The following SLC41A1 variants were observed in gnomAD, a reference collection of about 807,000 sequenced individuals.
The protein encoded by SLC41A1 is solute carrier family 41 (magnesium transporter), member 1.
In SLC41A1, 20 loss-of-function variants were observed where a neutral mutation model predicts 47.3. The observed-to-expected ratio is 0.42, with a 90% CI of 0.30 to 0.61. SLC41A1 has a LOEUF of 0.61. Among genes scored for constraint, SLC41A1 ranks in the 20% least tolerant of loss-of-function variants. SLC41A1 has a pLI of 0.17. For synonymous variants in SLC41A1, 282 were observed against 272.7 expected, an observed-to-expected ratio of 1.03 and a Z score of -0.34; for missense variants, 504 against 674.1, an observed-to-expected ratio of 0.75 and a Z score of 2.79.
Position 205,812,996 on chromosome 1 carries a change from T to C in SLC41A1, c.-835A>G, listed in dbSNP as rs1017426768. The C allele has an allele frequency of 1.0e-6, 1 of 985,702 alleles. No individual in the cohort carries two copies. Among genetic ancestry groups the C allele is most frequent in the Non-Finnish European group, 1.2e-6 (1 of 830,132 alleles). 61.1% of individuals were successfully genotyped at this position (985,702 alleles called of 1,614,324 possible). A position where few individuals can be genotyped will look rare whatever the true frequency, so the allele number is the denominator to read the frequency against. ...CGACACCCGGCTCGCTACATTTCGC[T>C]TCTGCGTTACAGCGAGGCCGCCGCT... On this transcript the variant is annotated 5_prime_UTR_variant, in exon 1 of 11. Transcript: ENST00000367137.
rs774867869 is a variant in SLC41A1 at position 205,813,038 on chromosome 1, G to T, written c.-877C>A. On this transcript the variant is annotated 5_prime_UTR_variant, in exon 1 of 11. Transcript: ENST00000367137. ...GCCGCCGCTCCGCTTCCACGCGGGG[G>T]AGGTGGCCGGGGAGGGCAGGATATA... The T allele has an allele frequency of 1.0e-6, 1 of 985,530 alleles. No homozygotes were observed. The highest frequency in any genetic ancestry group is 1.2e-6 in the Non-Finnish European group (1 of 830,000). 61.0% of individuals were successfully genotyped at this position (985,530 alleles called of 1,614,324 possible). A position where few individuals can be genotyped will look rare whatever the true frequency, so the allele number is the denominator to read the frequency against.
chr1:205,796,957 C>T lies in SLC41A1; in HGVS notation c.1039G>A (p.Ala347Thr). The T allele has an allele frequency of 6.2e-7, 1 of 1,613,418 alleles. No homozygotes were observed. Among genetic ancestry groups the T allele is most frequent in the Non-Finnish European group, 8.5e-7 (1 of 1,179,758 alleles). ...LDKTVSDPNF[A>T]GMAVFTPVIN... ...ACAGGCGTGAAGACAGCCATCCCAGCAAAGTTGGGGTCTGAGACAGTCTTG... is the reference window on the plus strand; with the variant it reads ...ACAGGCGTGAAGACAGCCATCCCAGTAAAGTTGGGGTCTGAGACAGTCTTG... The change falls in exon 8 of 11, where the codon GCT becomes ACT. Residue 347 changes from alanine (A) to threonine (T), a missense_variant. Around this residue, in one of 2 missense-constraint regions of SLC41A1, gnomAD observed 421 missense variants for 601.6 expected, o/e 0.70. Coordinates refer to ENST00000367137, the MANE Select transcript of SLC41A1 (RefSeq NM_173854.6).
intron 3 of SLC41A1, 58 bp from the exon 4 acceptor site, chr1:205,799,888 T>A: frequency 1.4e-6 from 2 of 1,429,936 alleles, no homozygotes; most frequent in Non-Finnish European, 2.0e-6. Context: ...TGAAGCTCCA[T>A]CCATTAGGCT....
intron 8 of SLC41A1, chr1:205,795,831 C>A: frequency 2.6e-6 from 1 of 391,498 alleles, no homozygotes; most frequent in Non-Finnish European, 4.8e-6. Context: ...TGGGCACCTG[C>A]CTTCCTACAC....
At chr1:205,795,515 G>A in intron 8 of SLC41A1, 37 bp from the exon 9 acceptor site, 1 of 1,612,958 alleles carries the variant, frequency 6.2e-7, no homozygotes, top group Non-Finnish European at 8.5e-7. Flanking sequence ...ACAGACAGAG[G>A]TCAGAGGGAG....
intron 2 of SLC41A1, among the ~76,000 whole-genome samples, chr1:205,807,822 AT>A (rs141881589): frequency 0.19 from 26,689 of 138,986 alleles, 3,209 homozygotes; most frequent in African/African-American, 0.37. Flanking sequence ...ATGCCTGACT[AT>A]TTTTTTTTTT....
intron 3 of SLC41A1, among the ~76,000 whole-genome samples, chr1:205,800,184 C>G (rs541169996): frequency 2.0e-5 from 3 of 152,238 alleles, no homozygotes; most frequent in African/African-American, 4.8e-5. Context: ...CTGAAGCCAG[C>G]CTGCGATCCC....
chr1:205,800,872 C>A, intron 3 of SLC41A1, 81 bp downstream of exon 3: 1 of 1,318,478 alleles, frequency 7.6e-7, no homozygotes, highest in East Asian at 2.3e-5. Flanking sequence ...TGGAGAAGGG[C>A]TCGTAGCCCT....
rs564973876 is a variant in SLC41A1 at position 205,805,786 on chromosome 1, G to A, written c.372+4284C>T. ...TTAAGTCTCGATCCTCAGTGGTCCT[G>A]CCAGTACCTCTTCCTTGCCCTTCCA... On this transcript the variant is annotated intron_variant, in intron 2 of 10. Transcript: ENST00000367137. Among the ~76,000 whole-genome samples the A allele has an allele frequency of 1.4e-4, 22 of 152,288 alleles. No individual in the cohort carries two copies. The South Asian group carries it at 3.1e-3, about 22-fold the overall frequency.
chr1:205,801,677 C>T (rs113294522), intron 2 of SLC41A1, among the ~76,000 whole-genome samples: 4 of 152,266 alleles, frequency 2.6e-5, no homozygotes, highest in African/African-American at 9.6e-5. Flanking sequence ...ACTGCCTTAC[C>T]CCCACACACC....
intron 2 of SLC41A1, 67 bp from the exon 3 acceptor site, chr1:205,801,127 T>C (rs367778472): frequency 7.9e-7 from 1 of 1,270,726 alleles, no homozygotes; most frequent in East Asian, 2.3e-5. Context: ...GTTCAACAGG[T>C]AGTCTGAGAT....
Position 205,794,934 on chromosome 1 carries a change from T to C in SLC41A1, c.1292A>G (p.Gln431Arg). 5 of 1,614,006 alleles carry C rather than the reference T, an allele frequency of 3.1e-6. No individual in the cohort carries two copies. The highest frequency in any genetic ancestry group is 3.4e-6 in the Non-Finnish European group (4 of 1,179,978). ...GAGTGTGAGGGTGGTGTGCCCGCCC[T>C]GCATACAGCTGATGGTGTAGAGGAA... is the stretch of plus-strand genomic sequence containing the variant. ...LVFLYTISCM[Q>R]GGHTTLTLIF... Residue 431 changes from glutamine (Q) to arginine (R), a missense_variant, in exon 10 of 11, where the codon CAG becomes CGG. Physicochemically the swap from Gln to Arg is conservative, Grantham distance 43. Transcript: ENST00000367137.
intron 10 of SLC41A1, among the ~76,000 whole-genome samples, chr1:205,793,414 C>A (rs896679133): frequency 6.6e-5 from 10 of 152,308 alleles, no homozygotes; most frequent in Admixed American, 3.3e-4. Context: ...CACCACAGAC[C>A]CCTGGCATAT....
intron 2 of SLC41A1, among the ~76,000 whole-genome samples, chr1:205,801,939 G>C (rs183027648): frequency 6.6e-6 from 1 of 152,184 alleles, no homozygotes; most frequent in African/African-American, 2.4e-5. Flanking sequence ...TGAGTAAACT[G>C]GGGTTCAGAC....
In SLC41A1 at chr1:205,791,365, C is replaced by T. The variant is rs1161103068; in HGVS notation, c.*168G>A. The T allele has an allele frequency of 1.2e-6, 1 of 839,540 alleles. No individual in the cohort carries two copies. Among genetic ancestry groups the T allele is most frequent in the East Asian group, 2.7e-5 (1 of 37,014 alleles). 52.0% of individuals were successfully genotyped at this position (839,540 alleles called of 1,614,324 possible). On this transcript the variant is annotated 3_prime_UTR_variant, in exon 11 of 11. Transcript: ENST00000367137. The surrounding 1 kb of genome is among the most constrained non-coding windows in gnomAD (Gnocchi z 4.0). ...CTGTGTTTCCCAAATTCTTGCTATA[C>T]AAACTTGGCTCAATGTATAAAAATT...
Position 205,795,033 on chromosome 1 carries a change from A to T in SLC41A1, c.1208-15T>A. ...AGAATTCACATCTGGAATTGGGGAA[A>T]AGAGGGTGTAAAGAGGAGGGGAGGA... is the stretch of plus-strand genomic sequence containing the variant. On this transcript the variant is annotated splice_polypyrimidine_tract_variant and intron_variant, in intron 9 of 10. Coordinates refer to ENST00000367137, the MANE Select transcript of SLC41A1 (RefSeq NM_173854.6). 1 of 1,613,526 alleles carries T rather than the reference A, an allele frequency of 6.2e-7. No homozygotes were observed. The highest frequency in any genetic ancestry group is 8.5e-7 in the Non-Finnish European group (1 of 1,179,828).
intron 2 of SLC41A1, among the ~76,000 whole-genome samples, chr1:205,805,577 G>C (rs1655997754): frequency 6.6e-6 from 1 of 152,204 alleles, no homozygotes; most frequent in Non-Finnish European, 1.5e-5. Context: ...GTTCCAGGAA[G>C]TGCTGCCCTG....
Position 205,795,466 on chromosome 1 carries a change from T to C in SLC41A1, c.1085A>G (p.Asn362Ser). The stretch of plus-strand genomic sequence containing the variant: ...GCGGCTGGCCTGCACTGCCACCAGA[T>C]TGCCCCCAACACCTGCAGAGACACA... ...FTPVINGVGGNLVAVQASRIS... is the reference protein window; with the variant it reads ...FTPVINGVGGSLVAVQASRIS... The change falls in exon 9 of 11, where the codon AAT (asparagine) becomes AGT (serine). Residue 362 changes from asparagine (N) to serine (S), a missense_variant. Physicochemically the swap from Asn to Ser is conservative, Grantham distance 46. Transcript: ENST00000367137. 1 of 1,614,170 alleles carries C rather than the reference T, an allele frequency of 6.2e-7. No homozygotes were observed. Among genetic ancestry groups the C allele is most frequent in the Non-Finnish European group, 8.5e-7 (1 of 1,180,024 alleles).
intron 10 of SLC41A1, among the ~76,000 whole-genome samples, chr1:205,793,659 G>T (rs1009913587): frequency 2.0e-5 from 3 of 152,216 alleles, no homozygotes; most frequent in African/African-American, 7.2e-5. Flanking sequence ...ATATGATGGA[G>T]CTGTAAGAAA....
Sources: gnomAD v4.1 joint callset for allele counts (sites outside exome capture counted in the v4.1 genomes callset) on GRCh38, gnomAD v4.1.1 for gene constraint, gnomAD v4.1.1 regional missense constraint, Gnocchi (gnomAD v3.1) non-coding constraint, MANE v1.5 for transcripts, NCBI Gene and HGNC (gene_info 2026-07-23, HGNC 2026-07-21) for gene names.